RASGRF2: variants seen among roughly 807,000 people sequenced by gnomAD.
RASGRF2 encodes Ras protein specific guanine nucleotide releasing factor 2, also known as ras-specific guanine nucleotide-releasing factor 2.
RASGRF2 carries 76 observed loss-of-function variants against 151.0 expected under a neutral mutation model. The observed-to-expected ratio is 0.50, with a 90% confidence interval of 0.42 to 0.61. The LOEUF (loss-of-function observed/expected upper bound fraction) is 0.61, where lower values mean the gene tolerates loss of function less well. Among genes scored for constraint, RASGRF2 ranks in the 20% least tolerant of loss-of-function variants. The probability of loss-of-function intolerance (pLI) is 0.00; values close to 1 mark genes in which losing one functional copy is unlikely to be tolerated. For missense variants in RASGRF2, 1,148 were observed against 1,564.6 expected (o/e 0.73, Z 4.49); for synonymous variants, 504 against 566.5 (o/e 0.89, Z 1.57).
chr5:80,972,275 A>G (rs1203255469), intron 1 of RASGRF2, among the ~76,000 whole-genome samples: 1 of 152,204 alleles, frequency 6.6e-6, no homozygotes, highest in Non-Finnish European at 1.5e-5. Flanking sequence ...GTTTTCCAAG[A>G]TAGTTCTATC....
At chr5:80,974,106 C>A (rs954336212) in intron 1 of RASGRF2, among the ~76,000 whole-genome samples, 5 of 152,184 alleles carry the variant, frequency 3.3e-5, no homozygotes, top group African/African-American at 1.2e-4. Flanking sequence ...GTAGCCTCTG[C>A]ATCAGAAACA....
intron 23 of RASGRF2, among the ~76,000 whole-genome samples, chr5:81,213,860 CAA>C (rs970605085): frequency 1.3e-5 from 2 of 151,734 alleles, no homozygotes; most frequent in African/African-American, 4.8e-5. Context: ...TGGTTAAAAA[CAA>C]AAAAACAAAA....
chr5:81,092,290 A>G (rs1161915711), intron 9 of RASGRF2, among the ~76,000 whole-genome samples: 1 of 148,846 alleles, frequency 6.7e-6, no homozygotes, highest in Non-Finnish European at 1.5e-5. Context: ...TGAATTATAT[A>G]ATTTATATAT....
chr5:81,090,629 A>G (rs769092036), intron 9 of RASGRF2, among the ~76,000 whole-genome samples: 1 of 152,100 alleles, frequency 6.6e-6, no homozygotes, highest in Non-Finnish European at 1.5e-5. Context: ...ACAGTCTCCT[A>G]TGTCTCCCTT....
chr5:80,992,000 A>T (rs1020921730), intron 1 of RASGRF2, among the ~76,000 whole-genome samples: 2 of 152,160 alleles, frequency 1.3e-5, no homozygotes, highest in African/African-American at 2.4e-5. Flanking sequence ...AATTCCCATT[A>T]GGAAGGTCAT....
At position 81,225,966 on chromosome 5, in the gene RASGRF2, T is replaced by A. The variant is rs1755990939; in HGVS notation, c.*196T>A. On this transcript the variant is annotated 3_prime_UTR_variant, in exon 27 of 27. Coordinates refer to ENST00000265080, the MANE Select transcript of RASGRF2 (RefSeq NM_006909.3). ...CAAAGACAGATGCTTCAGACTTGGG[T>A]GGGAAGGTGAAAGATGGCTATTTAG... The A allele has an allele frequency of 1.9e-6, 1 of 518,168 alleles. No individual in the cohort carries two copies. The highest frequency in any genetic ancestry group is 3.1e-6 in the Non-Finnish European group (1 of 318,794). The allele number at this position is 518,168 out of a possible 1,614,324, so 32.1% of individuals were successfully genotyped here.
chr5:81,011,759 A>G (rs1342566522), intron 1 of RASGRF2, among the ~76,000 whole-genome samples: 1 of 152,146 alleles, frequency 6.6e-6, no homozygotes, highest in East Asian at 1.9e-4. Context: ...AAACAAAAAA[A>G]AAAAAAGGAA....
At chr5:81,038,032 A>G (rs1263427402) in intron 1 of RASGRF2, among the ~76,000 whole-genome samples, 3 of 152,226 alleles carry the variant, frequency 2.0e-5, no homozygotes, top group Non-Finnish European at 2.9e-5. Context: ...TGGTTCATCT[A>G]TGCTGTTCCT....
intron 21 of RASGRF2, 110 bp from the exon 22 acceptor site, chr5:81,208,244 C>T (rs1755553190): frequency 2.2e-6 from 2 of 905,350 alleles, no homozygotes; most frequent in Non-Finnish European, 3.4e-6. Context: ...AGGAACCATT[C>T]TAGGCCATGT....
chr5:81,071,865 C>G (rs554465799), intron 4 of RASGRF2, among the ~76,000 whole-genome samples: 1 of 151,934 alleles, frequency 6.6e-6, no homozygotes, highest in Admixed American at 6.5e-5. Context: ...ATCTATTGGT[C>G]GGCAAGCACC....
rs540024907 is a variant in RASGRF2 at position 81,046,398 on chromosome 5, C to T, written c.395+3415C>T. ...TAGATCTGGCCCAGAAAAAAAAAAT[C>T]GTTTTGGAATTAACATTTTTCATTT... On this transcript the variant is annotated intron_variant, in intron 2 of 26. Transcript: ENST00000265080. Among the ~76,000 whole-genome samples the T allele has an allele frequency of 8.5e-5, 13 of 152,090 alleles. No homozygotes were observed. The South Asian group carries it at 2.7e-3, about 32-fold the overall frequency.
chr5:81,167,246 G>A (rs900465709), intron 17 of RASGRF2, among the ~76,000 whole-genome samples: 3 of 152,184 alleles, frequency 2.0e-5, no homozygotes, highest in Middle Eastern at 3.2e-3. Flanking sequence ...AGAACTCACT[G>A]TAATACATAC....
intron 26 of RASGRF2, chr5:81,223,231 G>A (rs1755891630): frequency 6.6e-6 from 1 of 152,178 alleles, no homozygotes; most frequent in Non-Finnish European, 1.5e-5. Flanking sequence ...AACTTATCTT[G>A]AAACTCTTAG....
At chr5:81,008,394 A>C (rs1159120243) in intron 1 of RASGRF2, among the ~76,000 whole-genome samples, 2 of 151,698 alleles carry the variant, frequency 1.3e-5, no homozygotes, top group Non-Finnish European at 2.9e-5. Flanking sequence ...CCAGTGATCC[A>C]CCTGCTTCAG....
chr5:81,167,900 A>G (rs1043701536), intron 17 of RASGRF2, among the ~76,000 whole-genome samples: 2 of 152,206 alleles, frequency 1.3e-5, no homozygotes, highest in Non-Finnish European at 2.9e-5. Context: ...CAGATCTTAA[A>G]TGGATATTCT....
chr5:81,217,517 G>A, intron 25 of RASGRF2, 44 bp downstream of exon 25: 2 of 1,422,834 alleles, frequency 1.4e-6, no homozygotes, highest in Non-Finnish European at 1.9e-6. Flanking sequence ...GGCTTTAGAG[G>A]TTTATAGAGA....
At chr5:80,976,927 C>T (rs1031881309) in intron 1 of RASGRF2, among the ~76,000 whole-genome samples, 1 of 152,212 alleles carries the variant, frequency 6.6e-6, no homozygotes, top group African/African-American at 2.4e-5. Flanking sequence ...CAAACTGCAA[C>T]CTGTGCCATT....
chr5:81,139,675 A>C (rs1451159293), intron 17 of RASGRF2, among the ~76,000 whole-genome samples: 1 of 152,116 alleles, frequency 6.6e-6, no homozygotes, highest in Non-Finnish European at 1.5e-5. Flanking sequence ...CTTGTCAAGC[A>C]GGGGAACTAT....
chr5:81,220,181 G>T (rs1242813302), intron 26 of RASGRF2, among the ~76,000 whole-genome samples: 1 of 151,936 alleles, frequency 6.6e-6, no homozygotes, highest in African/African-American at 2.4e-5. Context: ...GCTTCCCGTT[G>T]GTCTTAGGAT....
Sources: allele counts gnomAD v4.1 joint callset (sites outside exome capture counted in the v4.1 genomes callset), GRCh38; gene constraint gnomAD v4.1.1; transcripts MANE v1.5; gene names NCBI Gene and HGNC (gene_info 2026-07-23, HGNC 2026-07-21).